The following SMAD2 variants were observed in gnomAD, a reference collection of about 807,000 sequenced individuals.
The protein encoded by SMAD2 is SMAD family member 2, also known as MAD homolog 2.
Under a neutral mutation model 64.4 loss-of-function variants are expected in SMAD2, and 8 were observed. The ratio of observed to expected loss-of-function variants is 0.12; its 90% CI spans 0.07 to 0.22. The LOEUF is 0.22. Among genes scored for constraint, SMAD2 ranks in the 10% least tolerant of loss-of-function variants. SMAD2 has a pLI of 1.00. For missense variants in SMAD2, 289 were observed against 561.2 expected (o/e 0.51, Z 4.90); for synonymous variants, 203 against 195.8 (o/e 1.04, Z -0.31).
chr18:47,910,147 A>C (rs1268618630), intron 1 of SMAD2, among the ~76,000 whole-genome samples: 1 of 149,624 alleles, frequency 6.7e-6, no homozygotes, highest in Non-Finnish European at 1.5e-5. Context: ...CCTATCGAGG[A>C]AATCATAAGA....
At chr18:47,882,026 T>C (rs1397387014) in intron 2 of SMAD2, among the ~76,000 whole-genome samples, 1 of 143,460 alleles carries the variant, frequency 7.0e-6, no homozygotes, top group East Asian at 2.0e-4. Context: ...CACAGGAATG[T>C]ACTACCACGC....
At chr18:47,857,316 A>G (rs186537300) in intron 6 of SMAD2, among the ~76,000 whole-genome samples, 163 of 151,580 alleles carry the variant, frequency 1.1e-3, no homozygotes, top group African/African-American at 3.8e-3. Context: ...ATAATGCATG[A>G]ATGATCATTT....
At position 47,833,530 on chromosome 18, in the gene SMAD2, C is replaced by A. The variant is rs1484681501; in HGVS notation, c.*8297G>T. 1 of 230,230 alleles carries A rather than the reference C, an allele frequency of 4.3e-6. No individual in the cohort carries two copies. The highest frequency in any genetic ancestry group is 2.2e-5 in the African/African-American group (1 of 45,138). The allele number at this position is 230,230 out of a possible 1,614,324, so 14.3% of individuals were successfully genotyped here. ...GCCACTAAGGACTTCCAGAGGGAAA[C>A]AAGAACAGGGTCTGCATCCATCATA... is the stretch of plus-strand genomic sequence containing the variant. On this transcript the variant is annotated 3_prime_UTR_variant, in exon 11 of 11. Coordinates refer to ENST00000262160, the MANE Select transcript of SMAD2 (RefSeq NM_005901.6).
intron 1 of SMAD2, among the ~76,000 whole-genome samples, chr18:47,913,295 A>T (rs191117069): frequency 3.5e-4 from 54 of 152,340 alleles, no homozygotes; most frequent in African/African-American, 1.3e-3. Context: ...TTTTCTATAA[A>T]ACCTTTACAA....
At chr18:47,878,645 A>G (rs1207115522) in intron 2 of SMAD2, among the ~76,000 whole-genome samples, 3 of 152,104 alleles carry the variant, frequency 2.0e-5, no homozygotes, top group Non-Finnish European at 2.9e-5. Flanking sequence ...AAACAAAACG[A>G]AAGAATCAAG....
chr18:47,908,554 A>C (rs925769293), intron 1 of SMAD2, among the ~76,000 whole-genome samples: 1 of 152,240 alleles, frequency 6.6e-6, no homozygotes, highest in Non-Finnish European at 1.5e-5. Context: ...AAATACAAAA[A>C]TCTACTATAA....
intron 1 of SMAD2, among the ~76,000 whole-genome samples, chr18:47,912,942 G>A (rs1461575671): frequency 2.0e-5 from 3 of 148,474 alleles, no homozygotes; most frequent in African/African-American, 7.4e-5. Flanking sequence ...TTTTTTTTGA[G>A]GAGTTTCACT....
rs1316688124 is a variant in SMAD2 at position 47,826,173 on chromosome 18, CTCTG to C, written c.*15650_*15653del. ...TATTAGATTAGGCTTCTACTCAATGCTCTGTAAGTTAAAACATTTCAAACCAAAT... is the reference window on the plus strand; with the variant it reads ...TATTAGATTAGGCTTCTACTCAATGCTAAGTTAAAACATTTCAAACCAAAT... On this transcript the variant is annotated 3_prime_UTR_variant, in exon 11 of 11. Coordinates refer to ENST00000262160, the MANE Select transcript of SMAD2 (RefSeq NM_005901.6). The C allele has an allele frequency of 6.6e-6, 1 of 152,198 alleles. No homozygotes were observed. Among genetic ancestry groups the C allele is most frequent in the East Asian group, 1.9e-4 (1 of 5,198 alleles). 9.4% of individuals were successfully genotyped at this position (152,198 alleles called of 1,614,324 possible).
chr18:47,900,977 C>T (rs2033660397), intron 1 of SMAD2, among the ~76,000 whole-genome samples: 3 of 152,058 alleles, frequency 2.0e-5, no homozygotes, highest in Non-Finnish European at 4.4e-5. Context: ...GTTCATGGCC[C>T]TAGCTTATGG....
chr18:47,870,351 T>C, intron 3 of SMAD2, 124 bp downstream of exon 3: 1 of 718,092 alleles, frequency 1.4e-6, no homozygotes, highest in Non-Finnish European at 2.5e-6. Context: ...TTAAATGCTA[T>C]GCCTTATTTT....
Position 47,896,768 on chromosome 18 carries a change from A to C in SMAD2, c.-12T>G. 6.2e-7 allele frequency: 1 copy of C among 1,613,014 alleles called. No homozygotes were observed. The highest frequency in any genetic ancestry group is 8.5e-7 in the Non-Finnish European group (1 of 1,179,544). ...AAGATGGACGACATGTTCTTACCAAAGGCAGCAAGCCACGCTAGGAAAACA... is the reference window on the plus strand; with the variant it reads ...AAGATGGACGACATGTTCTTACCAACGGCAGCAAGCCACGCTAGGAAAACA... On this transcript the variant is annotated 5_prime_UTR_variant, in exon 2 of 11. Coordinates refer to ENST00000262160, the MANE Select transcript of SMAD2 (RefSeq NM_005901.6).
At chr18:47,892,391 G>T (rs2033238611) in intron 2 of SMAD2, among the ~76,000 whole-genome samples, 1 of 152,010 alleles carries the variant, frequency 6.6e-6, no homozygotes, top group South Asian at 2.1e-4. Context: ...GTAGAGACCG[G>T]GTTTCACTAT....
At chr18:47,851,618 T>C (rs2030090722) in intron 6 of SMAD2, among the ~76,000 whole-genome samples, 1 of 152,148 alleles carries the variant, frequency 6.6e-6, no homozygotes, top group South Asian at 2.1e-4. Flanking sequence ...TCCAAAATAC[T>C]CTATGAACCA....
chr18:47,895,097 T>G (rs1030535125), intron 2 of SMAD2, among the ~76,000 whole-genome samples: 1 of 152,248 alleles, frequency 6.6e-6, no homozygotes, highest in Admixed American at 6.5e-5. Context: ...TGTAAAAATA[T>G]GTAAGATCCT....
chr18:47,858,969 GTTAGA>G (rs1371737065), intron 6 of SMAD2, among the ~76,000 whole-genome samples: 2 of 152,018 alleles, frequency 1.3e-5, no homozygotes, highest in African/African-American at 2.4e-5. Context: ...GACAAAAATT[GTTAGA>G]TTAAATAAAA....
At chr18:47,878,717 C>T (rs2144409284) in intron 2 of SMAD2, among the ~76,000 whole-genome samples, 1 of 152,232 alleles carries the variant, frequency 6.6e-6, no homozygotes, top group African/African-American at 2.4e-5. Flanking sequence ...GTATTTATTC[C>T]AACTTCTCAG....
rs1361946221 is a variant in SMAD2 at position 47,840,535 on chromosome 18, T to G, written c.*1292A>C. 3 of 232,310 alleles carry G rather than the reference T, an allele frequency of 1.3e-5. No individual in the cohort carries two copies. Among genetic ancestry groups the G allele is most frequent in the Non-Finnish European group, 2.6e-5 (3 of 117,512 alleles). The allele number at this position is 232,310 out of a possible 1,614,324, so 14.4% of individuals were successfully genotyped here. ...TAAATAAATGGCTTTTCCCCCAATT[T>G]TTAAAATTCTGAATTCATAATTATG... On this transcript the variant is annotated 3_prime_UTR_variant, in exon 11 of 11. Transcript: ENST00000262160.
At chr18:47,860,923 T>G (rs746407149) in intron 6 of SMAD2, among the ~76,000 whole-genome samples, 1 of 152,040 alleles carries the variant, frequency 6.6e-6, no homozygotes, top group Non-Finnish European at 1.5e-5. Context: ...ATTAACATCA[T>G]ACTTAAAGGG....
At chr18:47,854,559 T>C (rs1296285242) in intron 6 of SMAD2, among the ~76,000 whole-genome samples, 3 of 152,210 alleles carry the variant, frequency 2.0e-5, no homozygotes, top group African/African-American at 7.2e-5. Context: ...CTATTAACTA[T>C]CTTTTTCTTC....
Sources: allele counts gnomAD v4.1 joint callset (sites outside exome capture counted in the v4.1 genomes callset), GRCh38; gene constraint gnomAD v4.1.1; transcripts MANE v1.5; gene names NCBI Gene and HGNC (gene_info 2026-07-23, HGNC 2026-07-21).